Variants in VAV2 observed in about 807,000 individuals in gnomAD.
The protein encoded by VAV2 is guanine nucleotide exchange factor VAV2.
In VAV2, 67 loss-of-function variants were observed where a neutral mutation model predicts 132.5. The ratio of observed to expected loss-of-function variants is 0.51; its 90% CI spans 0.42 to 0.62. The LOEUF (loss-of-function observed/expected upper bound fraction) is 0.62. Ranked by LOEUF, VAV2 falls within the 20% of genes least tolerant of loss-of-function variation. The pLI is 0.00. For missense variants in VAV2, 938 were observed against 1,153.6 expected, an observed-to-expected ratio of 0.81 and a Z score of 2.71; for synonymous variants, 492 against 443.5, an observed-to-expected ratio of 1.11 and a Z score of -1.37.
intron 8 of VAV2, 56 bp from the exon 9 acceptor site, chr9:133,806,237 A>G: frequency 6.5e-7 from 1 of 1,545,284 alleles, no homozygotes. Context: ...GCTAGACGGG[A>G]GCGCCGCCCT....
chr9:133,899,799 A>G (rs1588337827), intron 2 of VAV2, among the ~76,000 whole-genome samples: 1 of 149,976 alleles, frequency 6.7e-6, no homozygotes, highest in South Asian at 2.1e-4. Flanking sequence ...AGGCGGGTGG[A>G]TCACGAGGTC....
At chr9:133,851,565 T>C (rs1435455590) in intron 3 of VAV2, among the ~76,000 whole-genome samples, 1 of 152,212 alleles carries the variant, frequency 6.6e-6, no homozygotes, top group Non-Finnish European at 1.5e-5. Context: ...GGTCCTAACC[T>C]CACAACAGAG....
chr9:133,870,027 G>C (rs1174845939), intron 2 of VAV2, among the ~76,000 whole-genome samples: 1 of 151,822 alleles, frequency 6.6e-6, no homozygotes, highest in Non-Finnish European at 1.5e-5. Context: ...TTTTCTTGTG[G>C]AAAGCACGGA....
intron 2 of VAV2, among the ~76,000 whole-genome samples, chr9:133,878,716 G>A (rs1488557417): frequency 6.6e-6 from 1 of 152,202 alleles, no homozygotes; most frequent in Non-Finnish European, 1.5e-5. Context: ...ACCGCAGGGG[G>A]ATCCCCCAAG....
chr9:133,889,200 G>T (rs930901740), intron 2 of VAV2, among the ~76,000 whole-genome samples: 8 of 152,128 alleles, frequency 5.3e-5, no homozygotes, highest in Non-Finnish European at 8.8e-5. Context: ...CAGACAAGCT[G>T]ACCCCCAGGT....
At chr9:133,782,381 C>T (rs1834042819) in intron 19 of VAV2, among the ~76,000 whole-genome samples, 1 of 151,956 alleles carries the variant, frequency 6.6e-6, no homozygotes, top group Non-Finnish European at 1.5e-5. Context: ...GCGTTCAGGC[C>T]ACAGGCTGCC....
At chr9:133,878,865 C>T (rs1437245773) in intron 2 of VAV2, among the ~76,000 whole-genome samples, 1 of 152,178 alleles carries the variant, frequency 6.6e-6, no homozygotes, top group East Asian at 1.9e-4. Flanking sequence ...CGCCCTCGGC[C>T]CGGGCAGCCT....
intron 1 of VAV2, among the ~76,000 whole-genome samples, chr9:133,963,045 T>G (rs1842014961): frequency 6.6e-6 from 1 of 152,226 alleles, no homozygotes; most frequent in Non-Finnish European, 1.5e-5. Context: ...ACTTTTATTT[T>G]GGACTGATTA....
intron 5 of VAV2, among the ~76,000 whole-genome samples, chr9:133,810,907 T>C (rs1835333976): frequency 6.6e-6 from 1 of 152,194 alleles, no homozygotes; most frequent in Non-Finnish European, 1.5e-5. Context: ...GACGCCCAGC[T>C]TTCAAACAAC....
intron 1 of VAV2, among the ~76,000 whole-genome samples, chr9:133,962,538 G>T (rs1036595507): frequency 2.6e-5 from 4 of 152,100 alleles, no homozygotes; most frequent in Admixed American, 1.3e-4. Context: ...TGCTGCGGGG[G>T]TCCTGCAGAT....
chr9:133,798,742 C>T (rs920761733), intron 9 of VAV2, among the ~76,000 whole-genome samples: 2 of 152,198 alleles, frequency 1.3e-5, no homozygotes, highest in South Asian at 2.1e-4. Context: ...GGTGCTCTGC[C>T]GACAAGCCTT....
rs1175160830 is a variant in VAV2, at chr9:133,919,482, G to A, written c.321+19621C>T. Among the ~76,000 whole-genome samples, 3 of 152,126 alleles carry A rather than the reference G, an allele frequency of 2.0e-5. No homozygotes were observed. In the East Asian group the frequency reaches 5.8e-4, roughly 29 times the overall value. ...AGGAGCCCAGGTGTCCCGGCTCCCA[G>A]CCCAGGGACTCACTGTCCCCCGGGG... is the stretch of plus-strand genomic sequence containing the variant. On this transcript the variant is annotated intron_variant, in intron 2 of 29. Transcript: ENST00000371850. The surrounding 1 kb of genome is among the most constrained non-coding windows in gnomAD (Gnocchi z 5.8).
chr9:133,964,054 TATATACATATATATAA>T lies in VAV2; in HGVS notation c.205-24851_205-24836del, dbSNP rs1564507743. Among the ~76,000 whole-genome samples the T allele has an allele frequency of 2.0e-3, 262 of 131,520 alleles. 19 individuals are homozygous for T. Among genetic ancestry groups the T allele is most frequent in the African/African-American group, 6.9e-3 (239 of 34,560 alleles). The allele number at this position is 131,520 out of a possible 152,430, so 86.3% of individuals were successfully genotyped here. Reference sequence around the variant, plus strand: ...ATATATATATATATATATATACATATATATACATATATATAAATGAATAGGCCAGGTATGTTGGCTC... The same window carrying T: ...ATATATATATATATATATATACATATATGAATAGGCCAGGTATGTTGGCTC... On this transcript the variant is annotated intron_variant, in intron 1 of 29. Coordinates refer to ENST00000371850, the MANE Select transcript of VAV2 (RefSeq NM_001134398.2).
intron 1 of VAV2, among the ~76,000 whole-genome samples, chr9:133,945,982 C>T (rs986434507): frequency 6.6e-6 from 1 of 152,232 alleles, no homozygotes; most frequent in Non-Finnish European, 1.5e-5. Context: ...CTGACTCCCA[C>T]GATGCTGGGA....
At chr9:133,785,033 C>T (rs566262325) in intron 17 of VAV2, among the ~76,000 whole-genome samples, 5 of 152,266 alleles carry the variant, frequency 3.3e-5, no homozygotes, top group Admixed American at 1.3e-4. Context: ...AGAGAAGATG[C>T]CCCAGGCCTC....
chr9:133,980,469 C>T (rs1429403225), intron 1 of VAV2, among the ~76,000 whole-genome samples: 1 of 152,204 alleles, frequency 6.6e-6, no homozygotes, highest in African/African-American at 2.4e-5. Flanking sequence ...GGGGCCCTGG[C>T]AACAAGATCT....
rs116274905 is a variant in VAV2 at position 133,953,311 on chromosome 9, G to T, written c.205-14092C>A. 5.0e-3 allele frequency among the ~76,000 whole-genome samples: 769 copies of T among 152,358 alleles called. 2 individuals carry two copies. Among genetic ancestry groups the T allele is most frequent in the African/African-American group, 0.018 (735 of 41,594 alleles). On this transcript the variant is annotated intron_variant, in intron 1 of 29. Coordinates refer to ENST00000371850, the MANE Select transcript of VAV2 (RefSeq NM_001134398.2). ...GTGCCCTTGGCGCTGTGCCCCCCAA[G>T]CCCACCACAACAGGCACTTGGAATG...
At chr9:133,907,447 C>T (rs2132032307) in intron 2 of VAV2, among the ~76,000 whole-genome samples, 1 of 152,350 alleles carries the variant, frequency 6.6e-6, no homozygotes, top group Admixed American at 6.5e-5. Context: ...ACAGCCACGC[C>T]CCAGCTGACC....
intron 19 of VAV2, among the ~76,000 whole-genome samples, chr9:133,781,980 G>A (rs1389393226): frequency 6.6e-6 from 1 of 152,196 alleles, no homozygotes; most frequent in African/African-American, 2.4e-5. Context: ...GCAGGACAGT[G>A]CTTGGGGCCT....
Sources: gnomAD v4.1 joint callset for allele counts (sites outside exome capture counted in the v4.1 genomes callset) on GRCh38, gnomAD v4.1.1 for gene constraint, Gnocchi (gnomAD v3.1) non-coding constraint, MANE v1.5 for transcripts, NCBI Gene and HGNC (gene_info 2026-07-23, HGNC 2026-07-21) for gene names.